CLOCK: variants seen among roughly 807,000 people sequenced by gnomAD.
The protein encoded by CLOCK is circadian locomoter output cycles protein kaput.
CLOCK carries 43 observed loss-of-function variants against 118.4 expected under a neutral mutation model. That is an observed-to-expected ratio of 0.36 (90% confidence interval 0.28 to 0.47). The LOEUF (loss-of-function observed/expected upper bound fraction) is 0.47, where lower values mean the gene tolerates loss of function less well. CLOCK is among the 20% of genes least tolerant of loss of function. The probability of loss-of-function intolerance (pLI) is 1.00; values close to 1 mark genes in which losing one functional copy is unlikely to be tolerated. For synonymous variants in CLOCK, 326 were observed against 339.2 expected (o/e 0.96, Z 0.43); for missense variants, 846 against 999.9 (o/e 0.85, Z 2.08).
chr4:55,528,184 T>G (rs1162967027), intron 1 of CLOCK, among the ~76,000 whole-genome samples: 1 of 151,958 alleles, frequency 6.6e-6, no homozygotes, highest in Admixed American at 6.6e-5. Flanking sequence ...CCATCTCTAC[T>G]AAAAATACAA....
intron 7 of CLOCK, among the ~76,000 whole-genome samples, chr4:55,474,182 GTGAA>G (rs1369880270): frequency 1.3e-5 from 2 of 152,156 alleles, no homozygotes; most frequent in Admixed American, 1.3e-4. Flanking sequence ...TGATAAGAAA[GTGAA>G]AACAGCCTTA....
chr4:55,449,533 A>G, intron 16 of CLOCK, 37 bp from the exon 17 acceptor site: 2 of 1,498,214 alleles, frequency 1.3e-6, no homozygotes, highest in Non-Finnish European at 1.9e-6. Flanking sequence ...TTAGTACTTT[A>G]TAAAATATAG....
intron 1 of CLOCK, among the ~76,000 whole-genome samples, chr4:55,523,895 T>G (rs1730003505): frequency 6.6e-6 from 1 of 152,184 alleles, no homozygotes. Flanking sequence ...CTGTAAAACA[T>G]TCTTGTTTTT....
intron 2 of CLOCK, among the ~76,000 whole-genome samples, chr4:55,508,739 C>T (rs1205620948): frequency 2.0e-5 from 3 of 152,146 alleles, no homozygotes; most frequent in Non-Finnish European, 2.9e-5. Flanking sequence ...ACTACAGGCG[C>T]CTGCCACCAC....
rs1317593525 is a variant in CLOCK at position 55,482,791 on chromosome 4, A to G, written c.-6T>C. 4 of 1,607,558 alleles carry G rather than the reference A, an allele frequency of 2.5e-6. No individual in the cohort carries two copies. Among genetic ancestry groups the G allele is most frequent in the Non-Finnish European group, 3.4e-6 (4 of 1,176,392 alleles). ...CAGCTTACGGTAAACAACATAACAT[A>G]CTACGTTTTCGTCTTGTAGTAGACA... is the stretch of plus-strand genomic sequence containing the variant. On this transcript the variant is annotated 5_prime_UTR_variant, in exon 4 of 23. Transcript: ENST00000513440.
intron 1 of CLOCK, among the ~76,000 whole-genome samples, chr4:55,526,330 A>G (rs1647538368): frequency 6.6e-6 from 1 of 152,228 alleles, no homozygotes; most frequent in South Asian, 2.1e-4. Flanking sequence ...AAACCCCATC[A>G]GGAGAAAAAG....
chr4:55,517,117 G>A (rs1729564521), intron 1 of CLOCK, among the ~76,000 whole-genome samples: 1 of 152,164 alleles, frequency 6.6e-6, no homozygotes, highest in African/African-American at 2.4e-5. Context: ...AAAAGATAAT[G>A]ATTTTTCCTT....
At chr4:55,526,824 G>A (rs1274151369) in intron 1 of CLOCK, among the ~76,000 whole-genome samples, 1 of 151,798 alleles carries the variant, frequency 6.6e-6, no homozygotes, top group Non-Finnish European at 1.5e-5. Context: ...GCAGGCACCT[G>A]TAGTCCCAGC....
At position 55,432,940 on chromosome 4, in the gene CLOCK, T is replaced by A. The variant is rs1432745424; in HGVS notation, c.*2475A>T. On this transcript the variant is annotated 3_prime_UTR_variant, in exon 23 of 23. Transcript: ENST00000513440. Reference sequence around the variant, plus strand: ...AGACGTTTACCTGGGGCTTGTCTTATGCTTTGTTGCTGTCAACCTAAGTAG... The same window carrying A: ...AGACGTTTACCTGGGGCTTGTCTTAAGCTTTGTTGCTGTCAACCTAAGTAG... 1 of 152,658 alleles carries A rather than the reference T, an allele frequency of 6.6e-6. No individual in the cohort carries two copies. Among genetic ancestry groups the A allele is most frequent in the Non-Finnish European group, 1.5e-5 (1 of 68,034 alleles). 9.5% of individuals were successfully genotyped at this position (152,658 alleles called of 1,614,324 possible). A position where few individuals can be genotyped will look rare whatever the true frequency, so the allele number is the denominator to read the frequency against.
intron 18 of CLOCK, among the ~76,000 whole-genome samples, 166 bp downstream of exon 18, chr4:55,448,599 CGCGTGTGTGTGTGT>C (rs1232703125): frequency 1.4e-3 from 148 of 105,662 alleles, no homozygotes; most frequent in South Asian, 2.9e-3. Context: ...CGCGCACGCG[CGCGTGTGTGTGTGT>C]GTGTGTGTGT....
chr4:55,493,699 C>A (rs557994324), intron 2 of CLOCK, among the ~76,000 whole-genome samples: 1 of 152,200 alleles, frequency 6.6e-6, no homozygotes, highest in Non-Finnish European at 1.5e-5. Flanking sequence ...TTAGCCACCT[C>A]TACAACCGAT....
intron 1 of CLOCK, among the ~76,000 whole-genome samples, chr4:55,517,076 G>C (rs1440069145): frequency 6.6e-6 from 1 of 152,128 alleles, no homozygotes; most frequent in Non-Finnish European, 1.5e-5. Flanking sequence ...ATACACTGTT[G>C]ATAACATTAT....
intron 5 of CLOCK, 186 bp from the exon 6 acceptor site, chr4:55,479,149 GAAAATTTTAC>G: frequency 4.2e-6 from 2 of 481,334 alleles, no homozygotes; most frequent in Non-Finnish European, 7.2e-6. Flanking sequence ...TATTACTAAA[GAAAATTTTAC>G]AAATCATACA....
intron 4 of CLOCK, among the ~76,000 whole-genome samples, chr4:55,480,382 A>C (rs1726834838): frequency 6.6e-6 from 1 of 152,138 alleles, no homozygotes; most frequent in African/African-American, 2.4e-5. Flanking sequence ...CTCTTGCCTC[A>C]GCCTGCTGAG....
At position 55,433,580 on chromosome 4, in the gene CLOCK, A is replaced by C. The variant is rs1429804244; in HGVS notation, c.*1835T>G. 6.6e-6 allele frequency: 1 copy of C among 152,208 alleles called. No individual in the cohort carries two copies. Among genetic ancestry groups the C allele is most frequent in the African/African-American group, 2.4e-5 (1 of 41,464 alleles). The allele number at this position is 152,208 out of a possible 1,614,324, so 9.4% of individuals were successfully genotyped here. A position where few individuals can be genotyped will look rare whatever the true frequency, so the allele number is the denominator to read the frequency against. On this transcript the variant is annotated 3_prime_UTR_variant, in exon 23 of 23. Coordinates refer to ENST00000513440, the MANE Select transcript of CLOCK (RefSeq NM_004898.4). ...CTGTTTTAACAACCTCAACTCTGTTACACATTTTCTTTTGAGGTCAATTTT... is the reference window on the plus strand; with the variant it reads ...CTGTTTTAACAACCTCAACTCTGTTCCACATTTTCTTTTGAGGTCAATTTT...
intron 3 of CLOCK, among the ~76,000 whole-genome samples, chr4:55,484,378 GA>G (rs1378376143): frequency 1.3e-5 from 2 of 152,010 alleles, no homozygotes; most frequent in African/African-American, 4.8e-5. Flanking sequence ...AAAAGAAAAT[GA>G]GTGACAGAGT....
intron 18 of CLOCK, 50 bp from the exon 19 acceptor site, chr4:55,444,835 T>A (rs1401250894): frequency 1.9e-6 from 3 of 1,563,198 alleles, no homozygotes. Flanking sequence ...AATTACTTAC[T>A]CCTTATAATT....
At chr4:55,524,084 C>T (rs1247688063) in intron 1 of CLOCK, among the ~76,000 whole-genome samples, 1 of 151,996 alleles carries the variant, frequency 6.6e-6, no homozygotes, top group Admixed American at 6.6e-5. Context: ...TGGTGTAAGG[C>T]TCATCAGAAA....
At chr4:55,528,361 T>A (rs1352312147) in intron 1 of CLOCK, among the ~76,000 whole-genome samples, 1 of 149,544 alleles carries the variant, frequency 6.7e-6, no homozygotes, top group African/African-American at 2.4e-5. Flanking sequence ...AAAAAAAAAT[T>A]AATTAATTAA....
Sources: gnomAD v4.1 joint callset for allele counts (sites outside exome capture counted in the v4.1 genomes callset) on GRCh38, gnomAD v4.1.1 for gene constraint, MANE v1.5 for transcripts, NCBI Gene and HGNC (gene_info 2026-07-23, HGNC 2026-07-21) for gene names.